DLGAP3: variants seen among roughly 807,000 people sequenced by gnomAD.
DLGAP3 encodes the protein DLG associated protein 3.
A neutral mutation model predicts 81.2 loss-of-function variants in DLGAP3; 17 were observed. The ratio of observed to expected loss-of-function variants is 0.21; its 90% CI spans 0.14 to 0.31. The LOEUF (loss-of-function observed/expected upper bound fraction) is 0.31, where lower values mean the gene tolerates loss of function less well. DLGAP3 is among the 10% of genes least tolerant of loss of function. The pLI, the probability that DLGAP3 is intolerant of heterozygous loss-of-function variation, is 1.00. For synonymous variants in DLGAP3, 577 were observed against 587.4 expected, an observed-to-expected ratio of 0.98 and a Z score of 0.26; for missense variants, 1,124 against 1,388.0, an observed-to-expected ratio of 0.81 and a Z score of 3.02.
chr1:34,902,353 G>T lies in DLGAP3; in HGVS notation c.1107+1924C>A, dbSNP rs919723357. ...GAGCAGGGCTCTTCAAGGGGCTAGGGCTCATTTGGATGATGGGAAACAAAG... is the reference window on the plus strand; with the variant it reads ...GAGCAGGGCTCTTCAAGGGGCTAGGTCTCATTTGGATGATGGGAAACAAAG... On this transcript the variant is annotated intron_variant, in intron 3 of 11. Transcript: ENST00000373347. This position sits in a 1 kb window ranked among gnomAD's most constrained non-coding sequence, Gnocchi z 4.4. Among the ~76,000 whole-genome samples, 4 of 152,134 alleles carry T rather than the reference G, an allele frequency of 2.6e-5. No homozygotes were observed. The highest frequency in any genetic ancestry group is 4.4e-5 in the Non-Finnish European group (3 of 68,014).
intron 8 of DLGAP3, among the ~76,000 whole-genome samples, chr1:34,880,499 G>A (rs1037877481): frequency 6.6e-6 from 1 of 152,198 alleles, no homozygotes; most frequent in African/African-American, 2.4e-5. Context: ...GGGAGGCTGA[G>A]GCGGGCGGAT....
At chr1:34,901,595 T>G (rs990848996) in intron 3 of DLGAP3, among the ~76,000 whole-genome samples, 23 of 152,152 alleles carry the variant, frequency 1.5e-4, no homozygotes, top group Non-Finnish European at 2.9e-5. Flanking sequence ...GTGGCAAAGA[T>G]AAATGAGCCA....
At chr1:34,892,672 T>C (rs1040697676) in intron 5 of DLGAP3, among the ~76,000 whole-genome samples, 1 of 127,600 alleles carries the variant, frequency 7.8e-6, no homozygotes, top group Non-Finnish European at 1.7e-5. Flanking sequence ...TGCCCACTAC[T>C]GTGCCTACCT....
At chr1:34,871,260 C>A (rs1014389240) in intron 8 of DLGAP3, among the ~76,000 whole-genome samples, 2 of 152,214 alleles carry the variant, frequency 1.3e-5, no homozygotes, top group Non-Finnish European at 2.9e-5. Flanking sequence ...TCATCTCCCC[C>A]ACATTCTCCT....
At chr1:34,910,700 G>A (rs1557496276) in intron 1 of DLGAP3, among the ~76,000 whole-genome samples, 1 of 152,208 alleles carries the variant, frequency 6.6e-6, no homozygotes, top group East Asian at 1.9e-4. Context: ...TGCTTCCTCG[G>A]GGAAGCTTTC....
chr1:34,883,985 C>A (rs1480205973), intron 8 of DLGAP3, among the ~76,000 whole-genome samples: 1 of 152,010 alleles, frequency 6.6e-6, no homozygotes, highest in Non-Finnish European at 1.5e-5. Context: ...GTGGTGCAAT[C>A]TCAGCTCGCT....
At chr1:34,885,927 C>A in intron 6 of DLGAP3, 136 bp from the exon 7 acceptor site, 1 of 1,137,168 alleles carries the variant, frequency 8.8e-7, no homozygotes, top group Non-Finnish European at 1.2e-6. Context: ...CTGCTGCACA[C>A]ACGCCAACGG....
chr1:34,926,754 A>C (rs550541308), intron 1 of DLGAP3, among the ~76,000 whole-genome samples: 1 of 152,292 alleles, frequency 6.6e-6, no homozygotes, highest in South Asian at 2.1e-4. Flanking sequence ...AAATGGGGGT[A>C]ATCCCTTTAT....
Position 34,867,584 on chromosome 1 carries a change from G to C in DLGAP3, c.2529C>G (p.Leu843=). ...AGAACTGCTGAACCTTCTGGGACAG[G>C]AGAAGTTGTGTGCTGCCCACAGCAC... is the stretch of plus-strand genomic sequence containing the variant. ...IRSAVGSTQL[L]LSQKVQQFFR... is the part of the protein sequence containing the mutation. The change falls in exon 10 of 12, where the codon CTC becomes CTG. Residue 843 remains leucine, a synonymous_variant. Coordinates refer to ENST00000373347, the MANE Select transcript of DLGAP3 (RefSeq NM_001080418.3). This position sits in a 1 kb window ranked among gnomAD's most constrained non-coding sequence, Gnocchi z 4.3. 6.2e-7 allele frequency: 1 copy of C among 1,614,108 alleles called. No homozygotes were observed. The highest frequency in any genetic ancestry group is 8.5e-7 in the Non-Finnish European group (1 of 1,179,982).
chr1:34,899,944 A>T, intron 4 of DLGAP3, 124 bp downstream of exon 4: 1 of 932,020 alleles, frequency 1.1e-6, no homozygotes, highest in South Asian at 1.4e-5. Flanking sequence ...CATGGAGTGG[A>T]GTGAGACACC....
intron 1 of DLGAP3, among the ~76,000 whole-genome samples, chr1:34,909,265 C>T (rs1032657727): frequency 5.3e-5 from 8 of 152,212 alleles, no homozygotes; most frequent in African/African-American, 9.6e-5. Flanking sequence ...AATCCATGTT[C>T]TCCTTGCTCT....
At chr1:34,914,551 A>G (rs936752011) in intron 1 of DLGAP3, among the ~76,000 whole-genome samples, 1 of 152,186 alleles carries the variant, frequency 6.6e-6, no homozygotes, top group Non-Finnish European at 1.5e-5. Context: ...TCCATATCCC[A>G]GGTCCACCAC....
In DLGAP3 at chr1:34,866,153, C is replaced by T; in HGVS notation, c.2870G>A (p.Arg957His). The T allele has an allele frequency of 6.3e-7, 1 of 1,597,936 alleles. No homozygotes were observed. The highest frequency in any genetic ancestry group is 2.2e-5 in the East Asian group (1 of 44,702). ...GGCGCTCTCGGTGGCCGAGCTGTGG[C>T]GGAAGGAAGCGGCGCGCTTGGCCGC... ...LLAAKRAASF[R>H]HSSATESADS... The change falls in exon 12 of 12, where the codon CGC (arginine) becomes CAC (histidine). Residue 957 changes from arginine (R) to histidine (H), a missense_variant. Transcript: ENST00000373347.
chr1:34,868,958 C>T lies in DLGAP3; in HGVS notation c.2132G>A (p.Arg711Lys), dbSNP rs1349452637. 1 of 1,609,988 alleles carries T rather than the reference C, an allele frequency of 6.2e-7. No individual in the cohort carries two copies. The highest frequency in any genetic ancestry group is 1.1e-5 in the South Asian group (1 of 91,056). Residue 711 changes from arginine (R) to lysine (K), a missense_variant, in exon 9 of 12, where the codon AGG becomes AAG. This residue lies in a region of DLGAP3 where 379 missense variants were observed against 455.7 expected (regional missense o/e 0.83). Transcript: ENST00000373347. The surrounding 1 kb of genome is among the most constrained non-coding windows in gnomAD (Gnocchi z 7.5). ...CCCAGGCTGGGGCTCAGAGGCGTGC[C>T]TCTGGAAGGAGCGTCCAAACTGCAG... ...KALQFGRSFQRHASEPQPGPR... is the reference protein window; with the variant it reads ...KALQFGRSFQKHASEPQPGPR...
chr1:34,865,682 C>T lies in DLGAP3; in HGVS notation c.*401G>A, dbSNP rs1489445707. 1 of 298,192 alleles carries T rather than the reference C, an allele frequency of 3.4e-6. No individual in the cohort carries two copies. Among genetic ancestry groups the T allele is most frequent in the East Asian group, 1.3e-4 (1 of 7,698 alleles). The allele number at this position is 298,192 out of a possible 1,614,324, so 18.5% of individuals were successfully genotyped here. ...GGGTTCGGGATTCTTCATAAAAAGC[C>T]ACGAAGCTTGATCCCCACGAAGCCC... On this transcript the variant is annotated 3_prime_UTR_variant, in exon 12 of 12. Transcript: ENST00000373347.
At chr1:34,889,126 T>A (rs1168234460) in intron 5 of DLGAP3, among the ~76,000 whole-genome samples, 1 of 152,236 alleles carries the variant, frequency 6.6e-6, no homozygotes, top group Non-Finnish European at 1.5e-5. Flanking sequence ...AAGAGGCTCT[T>A]AAATCGCAGT....
chr1:34,877,792 T>A (rs113940293), intron 8 of DLGAP3, among the ~76,000 whole-genome samples: 125 of 152,330 alleles, frequency 8.2e-4, no homozygotes, highest in African/African-American at 2.9e-3. Context: ...AAATCACTAC[T>A]AAAATGTAAA....
chr1:34,922,156 C>G lies in DLGAP3; in HGVS notation c.-135+7295G>C, dbSNP rs1407351731. Among the ~76,000 whole-genome samples, 2 of 152,160 alleles carry G rather than the reference C, an allele frequency of 1.3e-5. 1 individual carries two copies. The highest frequency in any genetic ancestry group is 1.3e-4 in the Admixed American group (2 of 15,284). Reference sequence around the variant, plus strand: ...CTGAGCACCATAGCATCTGAACAGCCTGGAGCCTGGATTTCTTACTTGGCT... The same window carrying G: ...CTGAGCACCATAGCATCTGAACAGCGTGGAGCCTGGATTTCTTACTTGGCT... On this transcript the variant is annotated intron_variant, in intron 1 of 11. Coordinates refer to ENST00000373347, the MANE Select transcript of DLGAP3 (RefSeq NM_001080418.3).
At position 34,929,315 on chromosome 1, in the gene DLGAP3, C is replaced by T. The variant is rs1480437625; in HGVS notation, c.-135+136G>A. On this transcript the variant is annotated intron_variant, in intron 1 of 11. Coordinates refer to ENST00000373347, the MANE Select transcript of DLGAP3 (RefSeq NM_001080418.3). This position sits in a 1 kb window ranked among gnomAD's most constrained non-coding sequence, Gnocchi z 6.5. ...GCAGCTGAGGAGGCCCAGCCCCTCCCCCCTCCCGGGGCCGGGAGCCGAGCG... is the reference window on the plus strand; with the variant it reads ...GCAGCTGAGGAGGCCCAGCCCCTCCTCCCTCCCGGGGCCGGGAGCCGAGCG... 1.3e-5 allele frequency: 2 copies of T among 150,000 alleles called. No homozygotes were observed. The highest frequency in any genetic ancestry group is 3.0e-5 in the Non-Finnish European group (2 of 67,256). The allele number at this position is 150,000 out of a possible 1,614,324, so 9.3% of individuals were successfully genotyped here.
Sources: gnomAD v4.1 joint callset for allele counts (sites outside exome capture counted in the v4.1 genomes callset) on GRCh38, gnomAD v4.1.1 for gene constraint, gnomAD v4.1.1 regional missense constraint, Gnocchi (gnomAD v3.1) non-coding constraint, MANE v1.5 for transcripts, NCBI Gene and HGNC (gene_info 2026-07-23, HGNC 2026-07-21) for gene names.